CFAP92: variants seen among roughly 807,000 people sequenced by gnomAD.
CFAP92 encodes the protein uncharacterized protein CFAP92.
Under a neutral mutation model 106.3 loss-of-function variants are expected in CFAP92, and 86 were observed. The observed-to-expected ratio is 0.81, with a 90% CI of 0.68 to 0.97. The LOEUF is 0.97. Among genes scored for constraint, CFAP92 ranks in the 50% least tolerant of loss-of-function variants. The probability of loss-of-function intolerance (pLI) is 0.00; values close to 1 mark genes in which losing one functional copy is unlikely to be tolerated. For synonymous variants in CFAP92, 477 were observed against 506.4 expected (o/e 0.94, Z 0.78); for missense variants, 1,204 against 1,283.8 (o/e 0.94, Z 0.95).
Position 129,001,210 on chromosome 3 carries a change from G to A in CFAP92, n.117+1364C>T, listed in dbSNP as rs921683412. Among the ~76,000 whole-genome samples the A allele has an allele frequency of 9.8e-5, 15 of 152,332 alleles. No individual in the cohort carries two copies. The East Asian group carries it at 2.7e-3, about 28-fold the overall frequency. On this transcript the variant is annotated intron_variant and non_coding_transcript_variant, in intron 1 of 4. Transcript: ENST00000510149. ...GCTTCGGATCCCGCGCCAACCCCTC[G>A]CCCAGGTCTCGGAGCGAACTCTCCG...
upstream of CFAP92, among the ~76,000 whole-genome samples, chr3:128,995,053 T>C (rs2107831278): frequency 6.6e-6 from 1 of 152,286 alleles, no homozygotes; most frequent in Admixed American, 6.5e-5. Flanking sequence ...AGGCAGGTCT[T>C]CTGTTGAGGG....
At chr3:129,010,164 C>A in the CFAP92 span, among the ~76,000 whole-genome samples, 3 of 152,358 alleles carry the variant, frequency 2.0e-5, no homozygotes, top group Admixed American at 2.0e-4. The surrounding 1 kb of genome is among the most constrained non-coding windows in gnomAD (Gnocchi z 4.3). Flanking sequence ...GGTCCAGTGG[C>A]CTTGTCCTGC....
At chr3:128,921,953 C>G (rs933010048) in intron 12 of CFAP92, among the ~76,000 whole-genome samples, 1 of 152,316 alleles carries the variant, frequency 6.6e-6, no homozygotes, top group African/African-American at 2.4e-5. Flanking sequence ...CCCTTACCCT[C>G]AGGAACAGTT....
chr3:128,994,258 C>T, upstream of CFAP92: 1 of 501,984 alleles, frequency 2.0e-6, no homozygotes, highest in African/African-American at 2.1e-5. Context: ...AACCAGCTGC[C>T]TTCATTCCTT....
intron 9 of CFAP92, among the ~76,000 whole-genome samples, chr3:128,960,322 C>T (rs887741009): frequency 3.3e-5 from 5 of 152,220 alleles, no homozygotes; most frequent in Non-Finnish European, 7.3e-5. Flanking sequence ...CTCTTTGCTC[C>T]GTGAGAAAGA....
intron 11 of CFAP92, among the ~76,000 whole-genome samples, chr3:128,933,528 T>C (rs575094855): frequency 4.6e-5 from 7 of 152,320 alleles, no homozygotes; most frequent in Admixed American, 1.3e-4. Context: ...TGCTCAGTCA[T>C]GGCTGTTGGC....
At position 128,977,765 on chromosome 3, in the gene CFAP92, A is replaced by T. The variant is rs1051532962; in HGVS notation, c.808+280T>A. 1.6e-4 allele frequency among the ~76,000 whole-genome samples: 24 copies of T among 152,218 alleles called. 1 individual carries two copies. The highest frequency in any genetic ancestry group is 2.1e-4 in the South Asian group (1 of 4,832). On this transcript the variant is annotated intron_variant, in intron 5 of 15. Coordinates refer to ENST00000645291, the MANE Select transcript of CFAP92 (RefSeq NM_001394090.1). ...TCCCAGCTACTCGGGAGGCTGAGGC[A>T]GGAGAATCACTTGAACCCAGGAGGC...
chr3:128,937,303 A>G (rs577571848), intron 10 of CFAP92, among the ~76,000 whole-genome samples: 22 of 120,138 alleles, frequency 1.8e-4, no homozygotes, highest in African/African-American at 7.3e-4. Context: ...ACAGAGATAG[A>G]CCCTGTCTCA....
At chr3:129,002,347 G>A (rs1944827994) in intron 1 of CFAP92, 46 of 1,510,312 alleles carry the variant, frequency 3.0e-5, no homozygotes, top group Non-Finnish European at 4.0e-5. Context: ...CACGAAGGGA[G>A]GGTGGTAACG....
At chr3:128,932,174 G>A (rs750790275) in intron 12 of CFAP92, among the ~76,000 whole-genome samples, 43 of 152,174 alleles carry the variant, frequency 2.8e-4, no homozygotes, top group Non-Finnish European at 5.1e-4. Context: ...TCATACCACA[G>A]ATGTCTGTGT....
intron 9 of CFAP92, among the ~76,000 whole-genome samples, chr3:128,957,303 A>G (rs945429531): frequency 6.6e-6 from 1 of 152,238 alleles, no homozygotes; most frequent in African/African-American, 2.4e-5. Context: ...AAAAAGTATA[A>G]CATCATCTCA....
chr3:128,963,858 CCCTT>C (rs1161914919), intron 9 of CFAP92, among the ~76,000 whole-genome samples: 4 of 151,176 alleles, frequency 2.6e-5, no homozygotes, highest in African/African-American at 9.8e-5. Context: ...CAGGCCCCCT[CCCTT>C]CCCTACACAT....
intron 12 of CFAP92, among the ~76,000 whole-genome samples, chr3:128,926,962 C>T (rs1283365872): frequency 7.9e-5 from 12 of 152,016 alleles, no homozygotes; most frequent in East Asian, 1.9e-4. Flanking sequence ...GGTGTGGTGG[C>T]GCATGCTTGT....
chr3:129,011,135 A>G, the CFAP92 span, among the ~76,000 whole-genome samples: 3 of 152,238 alleles, frequency 2.0e-5, no homozygotes, highest in African/African-American at 7.2e-5. Flanking sequence ...TGTGAGCCTC[A>G]GCTCATCTGT....
At position 128,944,875 on chromosome 3, in the gene CFAP92, G is replaced by A. The variant is rs7619110; in HGVS notation, c.2258+196C>T. Among the ~76,000 whole-genome samples the A allele has an allele frequency of 9.6e-3, 1,463 of 152,180 alleles. 18 individuals are homozygous for A. Among genetic ancestry groups the A allele is most frequent in the African/African-American group, 0.034 (1,395 of 41,516 alleles). Reference sequence around the variant, plus strand: ...CCCCTCAGTCATCTTAGATACTCCCGAATTCCTCCCTGGAACCAAAGCCAA... The same window carrying A: ...CCCCTCAGTCATCTTAGATACTCCCAAATTCCTCCCTGGAACCAAAGCCAA... On this transcript the variant is annotated intron_variant, in intron 10 of 15. Coordinates refer to ENST00000645291, the MANE Select transcript of CFAP92 (RefSeq NM_001394090.1).
intron 1 of CFAP92, chr3:129,001,873 T>G: frequency 6.5e-7 from 1 of 1,545,732 alleles, no homozygotes; most frequent in East Asian, 2.5e-5. Flanking sequence ...TTCCGAGCGC[T>G]CTGCGCTGTG....
In CFAP92 at chr3:128,971,423, T is replaced by C; in HGVS notation, c.1032A>G (p.Lys344=). 1.2e-6 allele frequency: 2 copies of C among 1,607,276 alleles called. No homozygotes were observed. Among genetic ancestry groups the C allele is most frequent in the Non-Finnish European group, 1.7e-6 (2 of 1,176,802 alleles). The change falls in exon 8 of 16, where the codon AAA becomes AAG. Residue 344 remains lysine (K), a synonymous_variant. Transcript: ENST00000645291. The part of the protein sequence containing the change: ...LDRQRSQIKG[K]DSEGRRKIQR... ...GGATTTTCCTTCTTCCCTCTGAATC[T>C]TTCCCTTTAACTGTGAAATCAAACA... is the stretch of plus-strand genomic sequence containing the variant.
intron 4 of CFAP92, among the ~76,000 whole-genome samples, chr3:128,980,693 G>A (rs1020722101): frequency 2.6e-5 from 4 of 152,196 alleles, no homozygotes; most frequent in Non-Finnish European, 5.9e-5. Context: ...TTTCAACAAT[G>A]TTCACAGCCT....
intron 4 of CFAP92, among the ~76,000 whole-genome samples, chr3:128,985,085 T>C (rs1025768563): frequency 6.6e-6 from 1 of 152,208 alleles, no homozygotes; most frequent in East Asian, 1.9e-4. Flanking sequence ...GCTTTTTTAA[T>C]GGGGAAAAAC....
Sources: allele counts gnomAD v4.1 joint callset (sites outside exome capture counted in the v4.1 genomes callset), GRCh38; gene constraint gnomAD v4.1.1; non-coding constraint Gnocchi (gnomAD v3.1); transcripts MANE v1.5; gene names NCBI Gene and HGNC (gene_info 2026-07-23, HGNC 2026-07-21).